MICAL2: variants seen among roughly 807,000 people sequenced by gnomAD.
The protein encoded by MICAL2 is [F-actin]-monooxygenase MICAL2.
MICAL2 carries 77 observed loss-of-function variants against 127.3 expected under a neutral mutation model. The ratio of observed to expected loss-of-function variants is 0.60; its 90% confidence interval spans 0.50 to 0.73. MICAL2 has a LOEUF of 0.73. MICAL2 is among the 30% of genes least tolerant of loss of function. MICAL2 has a pLI of 0.00. For missense variants in MICAL2, 1,351 were observed against 1,434.4 expected (o/e 0.94, Z 0.94); for synonymous variants, 570 against 551.1 (o/e 1.03, Z -0.48).
chr11:12,214,094 T>C (rs1328442638), intron 7 of MICAL2, among the ~76,000 whole-genome samples: 1 of 152,130 alleles, frequency 6.6e-6, no homozygotes, highest in African/African-American at 2.4e-5. Context: ...TCTACGAGAA[T>C]AGACAGTCAA....
chr11:12,178,111 A>G (rs575120589), intron 3 of MICAL2, among the ~76,000 whole-genome samples: 64 of 152,334 alleles, frequency 4.2e-4, no homozygotes, highest in African/African-American at 1.5e-3. Flanking sequence ...TTCGCTCATC[A>G]ATGGCCAATG....
intron 7 of MICAL2, among the ~76,000 whole-genome samples, chr11:12,214,668 A>C (rs1855926784): frequency 6.6e-6 from 1 of 152,228 alleles, no homozygotes; most frequent in African/African-American, 2.4e-5. Context: ...CATGAAGTTT[A>C]TTTAAAATTC....
intron 1 of MICAL2, among the ~76,000 whole-genome samples, chr11:12,134,285 T>C (rs1285748304): frequency 6.6e-6 from 1 of 152,224 alleles, no homozygotes; most frequent in Non-Finnish European, 1.5e-5. Flanking sequence ...AAAAGAGTTG[T>C]TTTAAATAGC....
chr11:12,206,472 C>T (rs768371613), intron 4 of MICAL2, among the ~76,000 whole-genome samples: 6 of 152,148 alleles, frequency 3.9e-5, no homozygotes, highest in Non-Finnish European at 5.9e-5. Flanking sequence ...GTGCTGGAAC[C>T]GTACTGAGTA....
chr11:12,267,512 C>T (rs1401561471), downstream of MICAL2, among the ~76,000 whole-genome samples: 1 of 152,168 alleles, frequency 6.6e-6, no homozygotes, highest in African/African-American at 2.4e-5. Context: ...CCACCCTCCG[C>T]CACTGTCATC....
At chr11:12,230,714 T>TC (rs35525006) in intron 15 of MICAL2, among the ~76,000 whole-genome samples, 43,966 of 150,814 alleles carry the variant, frequency 0.29, 7,088 homozygotes, top group East Asian at 0.54. Flanking sequence ...AATTCTTCTT[T>TC]CCCCCCCCAT....
intron 1 of MICAL2, among the ~76,000 whole-genome samples, chr11:12,119,437 C>A (rs1850321916): frequency 6.6e-6 from 1 of 152,158 alleles, no homozygotes. Flanking sequence ...GCCTGAGAGA[C>A]CTTATATGTC....
downstream of MICAL2, chr11:12,294,595 G>A: frequency 1.2e-6 from 2 of 1,614,208 alleles, no homozygotes; most frequent in Non-Finnish European, 1.7e-6. Context: ...ATGCTTCTAA[G>A]CCTCCAAAGA....
intron 2 of MICAL2, among the ~76,000 whole-genome samples, chr11:12,283,276 G>A (rs1023469094): frequency 6.8e-6 from 1 of 147,172 alleles, no homozygotes; most frequent in Non-Finnish European, 1.5e-5. Context: ...CTCCAAGGTA[G>A]ACCAAGGGAA....
intron 3 of MICAL2, among the ~76,000 whole-genome samples, chr11:12,175,403 G>T (rs759019444): frequency 6.6e-6 from 1 of 152,098 alleles, no homozygotes; most frequent in Non-Finnish European, 1.5e-5. Flanking sequence ...TTGAACCCAG[G>T]AGGTGGAGGT....
downstream of MICAL2, among the ~76,000 whole-genome samples, chr11:12,268,346 AAGCT>A (rs1863631320): frequency 6.6e-6 from 1 of 152,208 alleles, no homozygotes; most frequent in South Asian, 2.1e-4. Context: ...TCTCAGGGAC[AAGCT>A]GAGGTTGGCA....
At chr11:12,262,723 G>C in intron 27 of MICAL2, 186 bp downstream of exon 27, 2 of 582,976 alleles carry the variant, frequency 3.4e-6, no homozygotes, top group South Asian at 2.1e-5. Context: ...ACCCATGCCT[G>C]TGTTCATTTC....
At chr11:12,278,850 G>T (rs955003173) in intron 1 of MICAL2, among the ~76,000 whole-genome samples, 1 of 152,222 alleles carries the variant, frequency 6.6e-6, no homozygotes, top group Non-Finnish European at 1.5e-5. Flanking sequence ...GAAGGTGCAC[G>T]TTAGTGGAGA....
chr11:12,238,907 T>C (rs1039773078), intron 16 of MICAL2, among the ~76,000 whole-genome samples: 3 of 152,166 alleles, frequency 2.0e-5, no homozygotes, highest in Non-Finnish European at 4.4e-5. Context: ...AGAGCAGGGC[T>C]GGTTAAAGCT....
At chr11:12,289,879 C>T (rs539380795), downstream of MICAL2, among the ~76,000 whole-genome samples, 11 of 152,324 alleles carry the variant, frequency 7.2e-5, no homozygotes, top group African/African-American at 2.6e-4. Flanking sequence ...AACTGGCAAT[C>T]TCTTTTTAGC....
At chr11:12,315,772 AGTC>A (rs1864225280) in intron 29 of MICAL2, among the ~76,000 whole-genome samples, 1 of 152,204 alleles carries the variant, frequency 6.6e-6, no homozygotes, top group African/African-American at 2.4e-5. Flanking sequence ...AGCGTGTACA[AGTC>A]GCATACTCTT....
chr11:12,271,107 A>G (rs72867596), upstream of MICAL2, among the ~76,000 whole-genome samples: 68,425 of 151,974 alleles, frequency 0.45, 16,349 homozygotes, highest in Non-Finnish European at 0.53. Context: ...AGGATCTTTG[A>G]AGTCCTATCT....
At chr11:12,302,365 G>A (rs1180657033) in intron 29 of MICAL2, among the ~76,000 whole-genome samples, 1 of 152,318 alleles carries the variant, frequency 6.6e-6, no homozygotes, top group Admixed American at 6.5e-5. Context: ...TTGTACCAAT[G>A]TATATACTCT....
intron 30 of MICAL2, among the ~76,000 whole-genome samples, chr11:12,321,189 A>G (rs552181552): frequency 4.6e-5 from 7 of 152,268 alleles, no homozygotes; most frequent in South Asian, 4.2e-4. Flanking sequence ...TCAGCTTGCC[A>G]GGTGGTAAAG....
Sources: allele counts gnomAD v4.1 joint callset (sites outside exome capture counted in the v4.1 genomes callset), GRCh38; gene constraint gnomAD v4.1.1; transcripts MANE v1.5; gene names NCBI Gene and HGNC (gene_info 2026-07-23, HGNC 2026-07-21).